WDR70: variants seen among roughly 807,000 people sequenced by gnomAD.
WDR70 encodes WD repeat domain 70.
WDR70 carries 53 observed loss-of-function variants against 88.6 expected under a neutral mutation model. The ratio of observed to expected loss-of-function variants is 0.60; its 90% CI spans 0.48 to 0.75. The LOEUF (loss-of-function observed/expected upper bound fraction) is 0.75, where lower values mean the gene tolerates loss of function less well. Among genes scored for constraint, WDR70 ranks in the 30% least tolerant of loss-of-function variants. WDR70 has a pLI of 0.00. For synonymous variants in WDR70, 280 were observed against 270.0 expected, an observed-to-expected ratio of 1.04 and a Z score of -0.36; for missense variants, 610 against 823.2, an observed-to-expected ratio of 0.74 and a Z score of 3.17.
At chr5:37,395,932 C>G (rs1411324237) in intron 4 of WDR70, among the ~76,000 whole-genome samples, 1 of 152,118 alleles carries the variant, frequency 6.6e-6, no homozygotes, top group East Asian at 1.9e-4. Context: ...TCCTGAGTAG[C>G]TGGTACCACA....
chr5:37,417,131 A>G (rs1332660423), intron 5 of WDR70, among the ~76,000 whole-genome samples: 1 of 152,202 alleles, frequency 6.6e-6, no homozygotes, highest in Non-Finnish European at 1.5e-5. Context: ...GGACTAAGTT[A>G]TAAAGATAAT....
chr5:37,512,122 C>T (rs956931800), intron 8 of WDR70, among the ~76,000 whole-genome samples: 3 of 152,170 alleles, frequency 2.0e-5, no homozygotes, highest in Admixed American at 6.5e-5. Context: ...TCTGGTGACT[C>T]GGGGTATTCC....
chr5:37,424,244 A>C (rs933242514), intron 5 of WDR70, among the ~76,000 whole-genome samples: 1 of 148,838 alleles, frequency 6.7e-6, no homozygotes, highest in East Asian at 2.0e-4. Flanking sequence ...AAGTGTTCTT[A>C]CAGATGTCTC....
intron 5 of WDR70, among the ~76,000 whole-genome samples, chr5:37,410,682 G>C (rs1490032414): frequency 6.6e-6 from 1 of 152,106 alleles, no homozygotes; most frequent in Non-Finnish European, 1.5e-5. Context: ...GGTATGTACA[G>C]AGTACATATT....
chr5:37,410,202 T>G (rs1270329662), intron 5 of WDR70, among the ~76,000 whole-genome samples: 4 of 150,674 alleles, frequency 2.7e-5, no homozygotes, highest in South Asian at 2.1e-4. Context: ...AGTTTTTTTT[T>G]TTTTTTTTTT....
intron 2 of WDR70, among the ~76,000 whole-genome samples, chr5:37,380,238 T>C (rs1273393122): frequency 6.6e-6 from 1 of 152,254 alleles, no homozygotes; most frequent in Non-Finnish European, 1.5e-5. Flanking sequence ...TTGTTTTCTT[T>C]TGACCAGCGT....
At chr5:37,383,958 T>C (rs78419343) in intron 3 of WDR70, among the ~76,000 whole-genome samples, 25,327 of 152,108 alleles carry the variant, frequency 0.17, 2,156 homozygotes, top group South Asian at 0.2. Context: ...CAATCAGATT[T>C]AACTACTGTA....
chr5:37,646,771 C>G (rs1745250717), intron 10 of WDR70, among the ~76,000 whole-genome samples: 1 of 152,072 alleles, frequency 6.6e-6, no homozygotes, highest in Non-Finnish European at 1.5e-5. Context: ...TTTCTTTTCT[C>G]TTGCTCCTTT....
intron 7 of WDR70, among the ~76,000 whole-genome samples, chr5:37,468,919 A>G (rs1469909082): frequency 2.0e-5 from 3 of 152,218 alleles, no homozygotes; most frequent in Non-Finnish European, 2.9e-5. Context: ...GTGTCATTTT[A>G]TATCAGGGAC....
At chr5:37,681,753 C>T (rs1746443245) in intron 10 of WDR70, among the ~76,000 whole-genome samples, 1 of 152,130 alleles carries the variant, frequency 6.6e-6, no homozygotes. Context: ...TTTGGTAAAT[C>T]AACCTGGCAT....
At chr5:37,426,566 G>C (rs148373993) in intron 5 of WDR70, among the ~76,000 whole-genome samples, 1 of 152,244 alleles carries the variant, frequency 6.6e-6, no homozygotes, top group Admixed American at 6.5e-5. Context: ...CTTACATAGC[G>C]GGTGCCTTGG....
chr5:37,663,004 A>G (rs1247088050), intron 10 of WDR70, among the ~76,000 whole-genome samples: 2 of 152,208 alleles, frequency 1.3e-5, no homozygotes, highest in African/African-American at 4.8e-5. Flanking sequence ...AGCACAGCAC[A>G]ATGCCAGGGA....
chr5:37,752,562 C>A lies in WDR70; in HGVS notation c.1954C>A (p.Arg652Ser). ...AAAGAATGAGCCAGAATGGAAAAAACGTAAAATTTGAAGAATCTCATTTGA... is the reference window on the plus strand; with the variant it reads ...AAAGAATGAGCCAGAATGGAAAAAAAGTAAAATTTGAAGAATCTCATTTGA... Reference protein sequence around the residue: ...EAKNEPEWKKRKI With the variant: ...EAKNEPEWKKSKI Residue 652 changes from arginine to serine, a missense_variant, in exon 18 of 18, where the codon CGT becomes AGT. By Grantham distance (110) the Arg-to-Ser change is moderately radical (BLOSUM62 -1). Transcript: ENST00000265107. 4 of 1,610,776 alleles carry A rather than the reference C, an allele frequency of 2.5e-6. No individual in the cohort carries two copies. Among genetic ancestry groups the A allele is most frequent in the Non-Finnish European group, 3.4e-6 (4 of 1,178,246 alleles).
intron 8 of WDR70, among the ~76,000 whole-genome samples, chr5:37,513,386 C>G (rs1160895380): frequency 6.6e-6 from 1 of 151,936 alleles, no homozygotes; most frequent in East Asian, 1.9e-4. Flanking sequence ...TAAGAAGGCC[C>G]TGATATGGAG....
intron 9 of WDR70, among the ~76,000 whole-genome samples, chr5:37,551,721 C>G (rs1289502391): frequency 3.1e-5 from 3 of 98,318 alleles, no homozygotes; most frequent in African/African-American, 9.1e-5. Flanking sequence ...AAGTGAGACT[C>G]TTTCTCAAAA....
At chr5:37,569,444 T>C (rs1487060805) in intron 9 of WDR70, among the ~76,000 whole-genome samples, 1 of 152,210 alleles carries the variant, frequency 6.6e-6, no homozygotes, top group Non-Finnish European at 1.5e-5. Flanking sequence ...TAAATTGCCC[T>C]CTTGCAAATA....
rs190684917 is a variant in WDR70 at position 37,488,370 on chromosome 5, G to A, written c.840+8383G>A. The stretch of plus-strand genomic sequence containing the variant: ...CTGTTAGACTTGAAAAGTTTTCAAC[G>A]ATTATTTTATTAAATAGGTTTTCTA... On this transcript the variant is annotated intron_variant, in intron 8 of 17. Coordinates refer to ENST00000265107, the MANE Select transcript of WDR70 (RefSeq NM_018034.4). Among the ~76,000 whole-genome samples, 98 of 151,894 alleles carry A rather than the reference G, an allele frequency of 6.5e-4. 1 individual carries two copies. The East Asian group carries it at 0.014, about 22-fold the overall frequency.
intron 7 of WDR70, among the ~76,000 whole-genome samples, chr5:37,475,789 T>A (rs55731764): frequency 0.41 from 62,333 of 150,710 alleles, 15,017 homozygotes; most frequent in Non-Finnish European, 0.54. Context: ...TCACTGTTTT[T>A]ATTTGTCCAT....
chr5:37,626,052 G>A (rs1238367042), intron 10 of WDR70, among the ~76,000 whole-genome samples: 1 of 145,936 alleles, frequency 6.9e-6, no homozygotes, highest in Non-Finnish European at 1.5e-5. Context: ...CCATATATAA[G>A]ATCATGTCAT....
Sources: allele counts gnomAD v4.1 joint callset (sites outside exome capture counted in the v4.1 genomes callset), GRCh38; gene constraint gnomAD v4.1.1; transcripts MANE v1.5; gene names NCBI Gene and HGNC (gene_info 2026-07-23, HGNC 2026-07-21).